EYS: variants seen among roughly 807,000 people sequenced by gnomAD.
EYS encodes the protein EGF-like photoreceptor maintenance factor, also known as protein eyes shut homolog.
In EYS, 250 loss-of-function variants were observed where a neutral mutation model predicts 282.1. The ratio of observed to expected loss-of-function variants is 0.89; its 90% CI spans 0.80 to 0.98. The LOEUF (loss-of-function observed/expected upper bound fraction) is 0.98, where lower values mean the gene tolerates loss of function less well. Ranked by LOEUF, EYS falls within the 50% of genes least tolerant of loss-of-function variation. The probability of loss-of-function intolerance (pLI) is 0.00; values close to 1 mark genes in which losing one functional copy is unlikely to be tolerated. For missense variants in EYS, 4,016 were observed against 3,709.0 expected (o/e 1.08, Z -2.15); for synonymous variants, 1,355 against 1,282.9 (o/e 1.06, Z -1.20).
intron 30 of EYS, among the ~76,000 whole-genome samples, chr6:64,305,637 C>G (rs1472531218): frequency 1.3e-5 from 2 of 152,152 alleles, no homozygotes; most frequent in East Asian, 3.8e-4. Context: ...GAAGAATGGT[C>G]TGGTCTTGTG....
chr6:65,146,532 AAC>A (rs1412615861), intron 12 of EYS, among the ~76,000 whole-genome samples: 1 of 151,978 alleles, frequency 6.6e-6, no homozygotes, highest in African/African-American at 2.4e-5. Flanking sequence ...AAATTCTTTA[AAC>A]ACATTTTCTT....
intron 22 of EYS, among the ~76,000 whole-genome samples, chr6:64,646,277 T>C (rs1165729934): frequency 6.6e-6 from 1 of 152,076 alleles, no homozygotes; most frequent in African/African-American, 2.4e-5. Context: ...GGGCTGTCAA[T>C]AAAGAATAAC....
intron 36 of EYS, among the ~76,000 whole-genome samples, chr6:63,828,131 A>G (rs932489035): frequency 2.0e-5 from 3 of 152,192 alleles, no homozygotes; most frequent in African/African-American, 7.2e-5. Context: ...ACCTACATCA[A>G]AAAGTCTGAA....
chr6:65,465,263 A>G (rs1326810534), intron 5 of EYS, among the ~76,000 whole-genome samples: 1 of 151,944 alleles, frequency 6.6e-6, no homozygotes, highest in Non-Finnish European at 1.5e-5. Context: ...CAGGAGTTTG[A>G]GGCCAGGAGT....
chr6:64,545,769 C>A (rs1453014709), intron 26 of EYS, among the ~76,000 whole-genome samples: 3 of 152,106 alleles, frequency 2.0e-5, no homozygotes. Context: ...CTCCCATTCA[C>A]AATTGTTTCA....
intron 2 of EYS, among the ~76,000 whole-genome samples, chr6:65,558,170 C>T (rs575107031): frequency 8.3e-4 from 127 of 152,332 alleles, no homozygotes; most frequent in South Asian, 2.9e-3. Context: ...AACATGCCAT[C>T]CAGCGTGCCC....
intron 22 of EYS, among the ~76,000 whole-genome samples, chr6:64,674,728 T>C (rs2149898751): frequency 2.0e-5 from 1 of 51,036 alleles, no homozygotes. Context: ...TTTCTGTCAT[T>C]AACACACACA....
At chr6:64,343,267 C>A (rs1376453568) in intron 29 of EYS, among the ~76,000 whole-genome samples, 11 of 151,770 alleles carry the variant, frequency 7.2e-5, no homozygotes, top group African/African-American at 2.7e-4. Context: ...TTTTTCAGCA[C>A]CACACCACAC....
In EYS at chr6:63,984,573, T is replaced by C. The variant is rs1438262319; in HGVS notation, c.6865A>G (p.Ile2289Val). Residue 2289 changes from isoleucine to valine, a missense_variant, in exon 35 of 43, where the codon ATT becomes GTT. Coordinates refer to ENST00000503581, the MANE Select transcript of EYS (RefSeq NM_001142800.2). ...AYFESMFLGH[I>V]PANVQIHKKA... ...TTATGAATTTGAACATTTGCAGGAA[T>C]ATGGCCAAGGAACATTGATTCAAAA... The C allele has an allele frequency of 6.5e-7, 1 of 1,549,398 alleles. No homozygotes were observed. The highest frequency in any genetic ancestry group is 8.7e-7 in the Non-Finnish European group (1 of 1,145,370).
intron 2 of EYS, among the ~76,000 whole-genome samples, chr6:65,527,017 G>C (rs1767593715): frequency 6.6e-6 from 1 of 152,134 alleles, no homozygotes; most frequent in Non-Finnish European, 1.5e-5. Context: ...TAGGTTTCTG[G>C]AGAAAGGTTA....
intron 33 of EYS, among the ~76,000 whole-genome samples, chr6:64,059,072 AT>A (rs1771077480): frequency 6.6e-6 from 1 of 151,460 alleles, no homozygotes; most frequent in South Asian, 2.1e-4. Flanking sequence ...CTCATCATAC[AT>A]TTTCTTCCAT....
chr6:65,025,295 C>A (rs561142111), intron 13 of EYS, among the ~76,000 whole-genome samples: 2 of 152,212 alleles, frequency 1.3e-5, no homozygotes, highest in African/African-American at 4.8e-5. Context: ...GGAGCAATTG[C>A]ATATCACCCC....
intron 26 of EYS, among the ~76,000 whole-genome samples, chr6:64,573,888 A>G (rs1259006173): frequency 6.6e-6 from 1 of 152,080 alleles, no homozygotes; most frequent in African/African-American, 2.4e-5. Flanking sequence ...AGGATCTAGA[A>G]CCAGAAATAC....
At chr6:64,930,748 T>C (rs751679449) in intron 15 of EYS, among the ~76,000 whole-genome samples, 9 of 152,128 alleles carry the variant, frequency 5.9e-5, no homozygotes, top group Non-Finnish European at 1.0e-4. Context: ...AACCTTCACG[T>C]TGTCTGAAAG....
intron 24 of EYS, among the ~76,000 whole-genome samples, chr6:64,597,462 A>ACCTATCAG: frequency 6.6e-6 from 1 of 152,318 alleles, no homozygotes; most frequent in Non-Finnish European, 1.5e-5. Context: ...TGTGGAATCC[A>ACCTATCAG]CCTATCAGTG....
chr6:64,803,378 T>C (rs1313786803), intron 22 of EYS, among the ~76,000 whole-genome samples: 7 of 145,312 alleles, frequency 4.8e-5, no homozygotes, highest in Admixed American at 4.8e-4. Flanking sequence ...AAGGTGTGTG[T>C]GTGGGGGGGT....
rs1243635695 is a variant in EYS, at chr6:64,626,181, A to G, written c.3508T>C (p.Cys1170Arg). 6.5e-7 allele frequency: 1 copy of G among 1,544,432 alleles called. No individual in the cohort carries two copies. The highest frequency in any genetic ancestry group is 2.0e-5 in the Admixed American group (1 of 49,500). The change falls in exon 23 of 43, where the codon TGT becomes CGT. Residue 1170 changes from cysteine (C) to arginine (R), a missense_variant. Transcript: ENST00000503581. ...ININECSSSP[C>R]LHGADCEDHI... ...TCTTCACAGTCTGCACCATGTAGACATGGTGATGAAGAGCATTCATTTATA... is the reference window on the plus strand; with the variant it reads ...TCTTCACAGTCTGCACCATGTAGACGTGGTGATGAAGAGCATTCATTTATA...
At chr6:65,288,501 C>G (rs1184391522) in intron 12 of EYS, among the ~76,000 whole-genome samples, 1 of 150,516 alleles carries the variant, frequency 6.6e-6, no homozygotes, top group Non-Finnish European at 1.5e-5. Context: ...GTATTTGGTA[C>G]AGTTCTTTCA....
At chr6:64,999,485 G>A (rs1771387976) in intron 13 of EYS, among the ~76,000 whole-genome samples, 1 of 152,184 alleles carries the variant, frequency 6.6e-6, no homozygotes, top group Admixed American at 6.5e-5. Flanking sequence ...CTGGGTAGAG[G>A]AGGGCGTGGT....
Sources: allele counts gnomAD v4.1 joint callset (sites outside exome capture counted in the v4.1 genomes callset), GRCh38; gene constraint gnomAD v4.1.1; transcripts MANE v1.5; gene names NCBI Gene and HGNC (gene_info 2026-07-23, HGNC 2026-07-21).